Variants in CUX2 observed in about 807,000 individuals in gnomAD.
CUX2 encodes the protein cut like homeobox 2.
CUX2 carries 40 observed loss-of-function variants against 144.8 expected under a neutral mutation model. The ratio of observed to expected loss-of-function variants is 0.28; its 90% confidence interval spans 0.21 to 0.36. CUX2 has a LOEUF of 0.36. CUX2 is among the 10% of genes least tolerant of loss of function. CUX2 has a pLI of 1.00. For missense variants in CUX2, 1,615 were observed against 1,994.0 expected, an observed-to-expected ratio of 0.81 and a Z score of 3.62; for synonymous variants, 827 against 875.6, an observed-to-expected ratio of 0.94 and a Z score of 0.98.
At chr12:111,108,509 A>C (rs1384662359) in intron 1 of CUX2, among the ~76,000 whole-genome samples, 1 of 152,174 alleles carries the variant, frequency 6.6e-6, no homozygotes, top group Middle Eastern at 3.2e-3. Context: ...TATTAATTGA[A>C]GAGCTTTTTT....
Position 111,310,519 on chromosome 12 carries a change from C to T in CUX2, c.1737C>T (p.Tyr579=), listed in dbSNP as rs751990569. The change falls in exon 15 of 22, where the codon TAC becomes TAT. Residue 579 remains tyrosine (Y), a synonymous_variant. Transcript: ENST00000261726. This position sits in a 1 kb window ranked among gnomAD's most constrained non-coding sequence, Gnocchi z 7.9. ...HNIGQRVFGH[Y]VLGLSQGSVS... ...TCGGGCAGCGGGTGTTTGGGCATTA[C>T]GTGCTGGGGCTGTCGCAGGGCTCGG... is the stretch of plus-strand genomic sequence containing the variant. 9.3e-6 allele frequency: 15 copies of T among 1,613,970 alleles called. No homozygotes were observed. In the Admixed American group the frequency reaches 1.7e-4, roughly 18 times the overall value.
intron 1 of CUX2, among the ~76,000 whole-genome samples, chr12:111,127,283 G>A (rs1286103630): frequency 6.6e-6 from 1 of 152,170 alleles, no homozygotes; most frequent in Non-Finnish European, 1.5e-5. Flanking sequence ...TCTTTACCTG[G>A]GCAAGTGACC....
At chr12:111,241,962 T>C (rs768869364) in intron 3 of CUX2, among the ~76,000 whole-genome samples, 8 of 152,280 alleles carry the variant, frequency 5.3e-5, no homozygotes, top group Non-Finnish European at 8.8e-5. Context: ...TGAAAAGTCA[T>C]GAAAAGACCA....
chr12:111,048,490 G>A (rs1870106602), intron 1 of CUX2, among the ~76,000 whole-genome samples: 1 of 152,210 alleles, frequency 6.6e-6, no homozygotes, highest in South Asian at 2.1e-4. Context: ...TTTTCTGTGT[G>A]AGTGGCCAGC....
At position 111,312,402 on chromosome 12, in the gene CUX2, A is replaced by G. The variant is rs1275473096; in HGVS notation, c.2002+201A>G. ...GCCATGGTTCCACACAGCTCTCAAC[A>G]TAAAATCTCAACCCTTGGCCAGGCG... On this transcript the variant is annotated intron_variant, in intron 16 of 21. Transcript: ENST00000261726. This position sits in a 1 kb window ranked among gnomAD's most constrained non-coding sequence, Gnocchi z 4.3. Among the ~76,000 whole-genome samples, 1 of 152,160 alleles carries G rather than the reference A, an allele frequency of 6.6e-6. No homozygotes were observed. Among genetic ancestry groups the G allele is most frequent in the African/African-American group, 2.4e-5 (1 of 41,462 alleles).
At chr12:111,082,473 G>A (rs188845115) in intron 1 of CUX2, among the ~76,000 whole-genome samples, 41 of 152,240 alleles carry the variant, frequency 2.7e-4, no homozygotes, top group East Asian at 1.4e-3. Context: ...GCCAAGGACC[G>A]TGCTGGGCAA....
chr12:111,316,852 G>T (rs1415905241), intron 16 of CUX2, among the ~76,000 whole-genome samples: 1 of 152,058 alleles, frequency 6.6e-6, no homozygotes, highest in Non-Finnish European at 1.5e-5. Context: ...CACCCCAGAA[G>T]GAAACCCTAT....
At chr12:111,210,311 C>T (rs552030779) in intron 1 of CUX2, among the ~76,000 whole-genome samples, 27 of 152,118 alleles carry the variant, frequency 1.8e-4, no homozygotes, top group Non-Finnish European at 3.4e-4. Flanking sequence ...ATTCAAATAT[C>T]CTTTCTTTTA....
At chr12:111,070,011 C>G (rs1018764035) in intron 1 of CUX2, among the ~76,000 whole-genome samples, 1 of 152,122 alleles carries the variant, frequency 6.6e-6, no homozygotes, top group African/African-American at 2.4e-5. Context: ...ATGGGAGGGT[C>G]GCTGCATGGG....
intron 3 of CUX2, among the ~76,000 whole-genome samples, chr12:111,258,431 T>C (rs1295372282): frequency 6.6e-6 from 1 of 150,470 alleles, no homozygotes; most frequent in East Asian, 2.0e-4. Context: ...GAGAATCACT[T>C]GAACCTGGGA....
chr12:111,118,247 A>G, intron 1 of CUX2, among the ~76,000 whole-genome samples: 1 of 152,172 alleles, frequency 6.6e-6, no homozygotes, highest in Non-Finnish European at 1.5e-5. Context: ...TATATTTCAA[A>G]CCAGGTACTC....
intron 1 of CUX2, among the ~76,000 whole-genome samples, chr12:111,183,491 G>A (rs1423594228): frequency 1.3e-5 from 2 of 152,256 alleles, no homozygotes; most frequent in Non-Finnish European, 2.9e-5. Context: ...CAGAGGCAGG[G>A]TGAGGTTGTT....
chr12:111,314,407 A>AGGCCG (rs1887065406), intron 16 of CUX2, among the ~76,000 whole-genome samples: 1 of 151,810 alleles, frequency 6.6e-6, no homozygotes, highest in Non-Finnish European at 1.5e-5. Flanking sequence ...GGCCGAGGCC[A>AGGCCG]AGGCGGGCAG....
intron 1 of CUX2, among the ~76,000 whole-genome samples, chr12:111,148,977 A>G (rs1338926415): frequency 6.6e-6 from 1 of 152,138 alleles, no homozygotes; most frequent in East Asian, 1.9e-4. Flanking sequence ...AGCCTGGGTG[A>G]CAGAGCGAGA....
intron 3 of CUX2, among the ~76,000 whole-genome samples, chr12:111,239,525 A>G (rs968285199): frequency 1.4e-4 from 22 of 152,190 alleles, no homozygotes; most frequent in African/African-American, 5.1e-4. Flanking sequence ...AGGCAATAGG[A>G]AGCCGGACCC....
chr12:111,204,026 C>A (rs1880769818), intron 1 of CUX2, among the ~76,000 whole-genome samples: 1 of 152,374 alleles, frequency 6.6e-6, no homozygotes, highest in Admixed American at 6.5e-5. Flanking sequence ...GCATCCAGCC[C>A]TTCCCAGGCA....
chr12:111,267,782 T>C (rs1884456643), intron 4 of CUX2, among the ~76,000 whole-genome samples: 1 of 152,096 alleles, frequency 6.6e-6, no homozygotes, highest in Non-Finnish European at 1.5e-5. Context: ...ATGTCTCCTC[T>C]GTATCTTTGT....
chr12:111,219,666 A>C (rs1881738105), intron 3 of CUX2, among the ~76,000 whole-genome samples: 1 of 152,196 alleles, frequency 6.6e-6, no homozygotes, highest in Non-Finnish European at 1.5e-5. Flanking sequence ...ACTGAGATCT[A>C]ATGCAGGGAA....
chr12:111,189,979 GTC>G, intron 1 of CUX2, among the ~76,000 whole-genome samples: 1 of 152,174 alleles, frequency 6.6e-6, no homozygotes, highest in South Asian at 2.1e-4. Context: ...CCACATCCTT[GTC>G]AACACTTGGT....
Sources: gnomAD v4.1 joint callset for allele counts (sites outside exome capture counted in the v4.1 genomes callset) on GRCh38, gnomAD v4.1.1 for gene constraint, Gnocchi (gnomAD v3.1) non-coding constraint, MANE v1.5 for transcripts, NCBI Gene and HGNC (gene_info 2026-07-23, HGNC 2026-07-21) for gene names.